TMOD1: variants seen among roughly 807,000 people sequenced by gnomAD.
TMOD1 encodes tropomodulin 1, also known as tropomodulin-1.
TMOD1 carries 17 observed loss-of-function variants against 40.6 expected under a neutral mutation model. The observed-to-expected ratio is 0.42, with a 90% confidence interval of 0.29 to 0.63. The LOEUF (loss-of-function observed/expected upper bound fraction) is 0.63, where lower values mean the gene tolerates loss of function less well. TMOD1 is among the 20% of genes least tolerant of loss of function. The pLI, the probability that TMOD1 is intolerant of heterozygous loss-of-function variation, is 0.22. For missense variants in TMOD1, 391 were observed against 447.6 expected (o/e 0.87, Z 1.14); for synonymous variants, 181 against 175.0 (o/e 1.03, Z -0.27).
upstream of TMOD1, chr9:97,501,551 G>C (rs7028467): frequency 8.4e-4 from 126 of 150,760 alleles, no homozygotes; most frequent in Admixed American, 2.0e-3. Flanking sequence ...GAGTGGAGGG[G>C]GGGGGAAGGA....
chr9:97,599,570 C>T (rs1826204596), intron 9 of TMOD1, 64 bp from the exon 10 acceptor site: 2 of 1,606,326 alleles, frequency 1.2e-6, no homozygotes, highest in African/African-American at 1.3e-5. Context: ...GCTTTCTCAG[C>T]AACAGTGCTG....
chr9:97,547,949 T>C (rs1472381069), intron 3 of TMOD1, among the ~76,000 whole-genome samples: 1 of 152,132 alleles, frequency 6.6e-6, no homozygotes, highest in Admixed American at 6.5e-5. Flanking sequence ...TGAGCTAAAA[T>C]TAAATAAATG....
intron 1 of TMOD1, among the ~76,000 whole-genome samples, chr9:97,508,559 C>A (rs1230896058): frequency 2.6e-5 from 4 of 152,124 alleles, no homozygotes; most frequent in Non-Finnish European, 5.9e-5. Flanking sequence ...GAAATTAGTT[C>A]TTATATGTAA....
At chr9:97,555,459 G>C in intron 4 of TMOD1, 2 of 1,428,110 alleles carry the variant, frequency 1.4e-6, no homozygotes, top group Non-Finnish European at 1.8e-6. Context: ...CTGCAACTCT[G>C]TGCTACGTTT....
At chr9:97,579,347 C>T (rs1227265788) in intron 8 of TMOD1, among the ~76,000 whole-genome samples, 1 of 152,160 alleles carries the variant, frequency 6.6e-6, no homozygotes, top group African/African-American at 2.4e-5. Flanking sequence ...TACCCGAGAG[C>T]TCATGGTCTA....
At position 97,557,583 on chromosome 9, in the gene TMOD1, G is replaced by T. The variant is rs892259243; in HGVS notation, c.397+4183G>T. On this transcript the variant is annotated intron_variant, in intron 4 of 9. Coordinates refer to ENST00000259365, the MANE Select transcript of TMOD1 (RefSeq NM_003275.4). This position sits in a 1 kb window ranked among gnomAD's most constrained non-coding sequence, Gnocchi z 4.4. ...GTCCTGCTACCCTGCCAGTGGCAGG[G>T]TGTATCTTATCCAGGAGCAGCTCAA... 5.9e-5 allele frequency among the ~76,000 whole-genome samples: 9 copies of T among 152,234 alleles called. No homozygotes were observed. Among genetic ancestry groups the T allele is most frequent in the African/African-American group, 2.2e-4 (9 of 41,468 alleles).
At chr9:97,591,532 G>C (rs1826001931) in intron 9 of TMOD1, 97 bp downstream of exon 9, 1 of 1,392,840 alleles carries the variant, frequency 7.2e-7, no homozygotes, top group African/African-American at 1.4e-5. Context: ...GCCTCTCCGA[G>C]TCTTCTTGAG....
chr9:97,502,075 C>T lies in TMOD1; in HGVS notation c.-49+272C>T, dbSNP rs1284143843. Among the ~76,000 whole-genome samples the T allele has an allele frequency of 6.6e-6, 1 of 152,098 alleles. No homozygotes were observed. The highest frequency in any genetic ancestry group is 1.5e-5 in the Non-Finnish European group (1 of 67,994). ...CGCCCTCCGCTCTGGACCTCCGCAC[C>T]GCGTCTGTGAACGCGAGAAGGACCC... is the stretch of plus-strand genomic sequence containing the variant. On this transcript the variant is annotated intron_variant, in intron 1 of 9. Transcript: ENST00000259365. This position sits in a 1 kb window ranked among gnomAD's most constrained non-coding sequence, Gnocchi z 6.1.
intron 1 of TMOD1, among the ~76,000 whole-genome samples, chr9:97,509,595 G>A (rs906099829): frequency 6.6e-5 from 10 of 150,822 alleles, no homozygotes; most frequent in Non-Finnish European, 1.2e-4. Context: ...CACCTTCTGG[G>A]CTCAAGTGGT....
At chr9:97,565,797 T>C (rs1303719839) in intron 6 of TMOD1, 51 bp from the exon 7 acceptor site, 4 of 1,468,984 alleles carry the variant, frequency 2.7e-6, no homozygotes, top group African/African-American at 2.8e-5. Flanking sequence ...TGCCTCAGCC[T>C]GTCCCAGAGG....
intron 2 of TMOD1, among the ~76,000 whole-genome samples, chr9:97,531,481 C>T (rs923088445): frequency 1.3e-5 from 2 of 152,012 alleles, no homozygotes; most frequent in African/African-American, 2.4e-5. Context: ...CGTGGTGGTG[C>T]GCAACTGTAA....
chr9:97,579,310 G>A (rs546317339), intron 8 of TMOD1, among the ~76,000 whole-genome samples: 11 of 152,200 alleles, frequency 7.2e-5, no homozygotes, highest in African/African-American at 2.7e-4. Context: ...TGCACACCTC[G>A]ACCGAGAGAA....
intron 8 of TMOD1, among the ~76,000 whole-genome samples, chr9:97,590,054 G>GT (rs966159460): frequency 1.3e-5 from 2 of 150,776 alleles, no homozygotes; most frequent in African/African-American, 2.4e-5. Flanking sequence ...TGTGACCAGG[G>GT]TTTTTTTTCT....
chr9:97,541,678 G>A (rs1363026737), intron 2 of TMOD1, among the ~76,000 whole-genome samples: 2 of 151,546 alleles, frequency 1.3e-5, no homozygotes, highest in African/African-American at 2.4e-5. Context: ...ACCACGCCCG[G>A]CTAATTTTTG....
chr9:97,579,940 A>C (rs1825707315), intron 8 of TMOD1, among the ~76,000 whole-genome samples: 1 of 152,238 alleles, frequency 6.6e-6, no homozygotes, highest in African/African-American at 2.4e-5. Flanking sequence ...AAAGCATTCC[A>C]CATGGAGGCA....
chr9:97,565,322 A>G (rs4743113), intron 6 of TMOD1, among the ~76,000 whole-genome samples: 30,322 of 151,972 alleles, frequency 0.2, 3,208 homozygotes, highest in South Asian at 0.41. Context: ...GGGCCGGCCC[A>G]AGCATCACCA....
In TMOD1 at chr9:97,513,423, G is replaced by A. The variant is rs1587912527; in HGVS notation, c.-48-10718G>A. ...TAGGGATTTCAGCCCAGGTTTGCATGACCCCTAGTTCAAGCTCTCATCTTT... is the reference window on the plus strand; with the variant it reads ...TAGGGATTTCAGCCCAGGTTTGCATAACCCCTAGTTCAAGCTCTCATCTTT... On this transcript the variant is annotated intron_variant, in intron 1 of 9. Coordinates refer to ENST00000259365, the MANE Select transcript of TMOD1 (RefSeq NM_003275.4). The surrounding 1 kb of genome is among the most constrained non-coding windows in gnomAD (Gnocchi z 4.1). Among the ~76,000 whole-genome samples, 2 of 152,302 alleles carry A rather than the reference G, an allele frequency of 1.3e-5. No homozygotes were observed. Among genetic ancestry groups the A allele is most frequent in the South Asian group, 4.1e-4 (2 of 4,826 alleles).
chr9:97,518,750 A>G (rs538632758), intron 1 of TMOD1, among the ~76,000 whole-genome samples: 1 of 152,296 alleles, frequency 6.6e-6, no homozygotes, highest in Admixed American at 6.5e-5. Flanking sequence ...GACAGGGGAC[A>G]TTGCAGGTGC....
chr9:97,567,600 T>A (rs375741700), intron 7 of TMOD1, among the ~76,000 whole-genome samples: 33 of 152,306 alleles, frequency 2.2e-4, no homozygotes, highest in African/African-American at 5.1e-4. Flanking sequence ...TGATTTTTTT[T>A]ATTAGATTTG....
Sources: gnomAD v4.1 joint callset for allele counts (sites outside exome capture counted in the v4.1 genomes callset) on GRCh38, gnomAD v4.1.1 for gene constraint, Gnocchi (gnomAD v3.1) non-coding constraint, MANE v1.5 for transcripts, NCBI Gene and HGNC (gene_info 2026-07-23, HGNC 2026-07-21) for gene names.